The following LRP2 variants were observed in gnomAD, a reference collection of about 807,000 sequenced individuals.
LRP2 encodes the protein low-density lipoprotein receptor-related protein 2.
In LRP2, 172 loss-of-function variants were observed where a neutral mutation model predicts 531.0. The ratio of observed to expected loss-of-function variants is 0.32; its 90% CI spans 0.29 to 0.37. The LOEUF is 0.37. Among genes scored for constraint, LRP2 ranks in the 10% least tolerant of loss-of-function variants. The pLI, the probability that LRP2 is intolerant of heterozygous loss-of-function variation, is 1.00. For synonymous variants in LRP2, 1,992 were observed against 2,027.6 expected (o/e 0.98, Z 0.47); for missense variants, 5,167 against 5,868.3 (o/e 0.88, Z 3.90).
At chr2:169,198,232 A>G (rs533414765) in intron 45 of LRP2, among the ~76,000 whole-genome samples, 1 of 152,112 alleles carries the variant, frequency 6.6e-6, no homozygotes, top group South Asian at 2.1e-4. Flanking sequence ...TGGGTAACAC[A>G]GAGAAACCCC....
At chr2:169,296,455 A>C (rs1275212700) in intron 4 of LRP2, among the ~76,000 whole-genome samples, 1 of 152,018 alleles carries the variant, frequency 6.6e-6, no homozygotes, top group Non-Finnish European at 1.5e-5. Flanking sequence ...GATGTTTATT[A>C]ATTCTCCCTT....
intron 3 of LRP2, among the ~76,000 whole-genome samples, chr2:169,310,514 C>T (rs79382071): frequency 0.32 from 48,515 of 151,954 alleles, 8,097 homozygotes; most frequent in African/African-American, 0.43. Flanking sequence ...TATTGATTTG[C>T]GTATGTTGAA....
At chr2:169,190,772 A>C (rs1313872873) in intron 48 of LRP2, among the ~76,000 whole-genome samples, 2 of 152,222 alleles carry the variant, frequency 1.3e-5, no homozygotes, top group African/African-American at 4.8e-5. Flanking sequence ...TACTATGTCA[A>C]ACTCACCTTC....
chr2:169,319,026 A>G, intron 2 of LRP2, 142 bp from the exon 3 acceptor site: 3 of 1,039,162 alleles, frequency 2.9e-6, no homozygotes, highest in Non-Finnish European at 4.3e-6. Context: ...CTTATACTAG[A>G]GTCTGTGGAC....
At chr2:169,196,884 G>GT in intron 46 of LRP2, 27 bp downstream of exon 46, 1 of 1,613,852 alleles carries the variant, frequency 6.2e-7, no homozygotes, top group Non-Finnish European at 8.5e-7. Context: ...GCATCGTGAT[G>GT]TTTTTCATGC....
chr2:169,248,326 C>T (rs1248966631), intron 19 of LRP2, among the ~76,000 whole-genome samples: 1 of 152,178 alleles, frequency 6.6e-6, no homozygotes, highest in Non-Finnish European at 1.5e-5. Context: ...CCTAATTAAT[C>T]AGAAAATGTT....
intron 75 of LRP2, among the ~76,000 whole-genome samples, chr2:169,137,729 C>G (rs1685571070): frequency 6.7e-6 from 1 of 150,310 alleles, no homozygotes; most frequent in Admixed American, 6.6e-5. Context: ...ATAACATGCA[C>G]TAATTTACCA....
At chr2:169,134,320 T>C (rs115648286) in intron 76 of LRP2, among the ~76,000 whole-genome samples, 24,400 of 151,896 alleles carry the variant, frequency 0.16, 3,213 homozygotes, top group African/African-American at 0.37. Context: ...ATACTGTCTG[T>C]TCCCCAGCTC....
chr2:169,262,335 T>C (rs1690592147), intron 16 of LRP2, among the ~76,000 whole-genome samples: 1 of 39,570 alleles, frequency 2.5e-5, no homozygotes, highest in Admixed American at 2.4e-4. Flanking sequence ...TGATGGTATA[T>C]CTAGAAAACC....
chr2:169,354,713 C>A lies in LRP2; in HGVS notation c.79+7608G>T, dbSNP rs830942. Among the ~76,000 whole-genome samples, 923 of 152,254 alleles carry A rather than the reference C, an allele frequency of 6.1e-3. 7 individuals carry two copies. Among genetic ancestry groups the A allele is most frequent in the South Asian group, 0.029 (142 of 4,820 alleles). On this transcript the variant is annotated intron_variant, in intron 1 of 78. Coordinates refer to ENST00000649046, the MANE Select transcript of LRP2 (RefSeq NM_004525.3). ...AGATAAGACTTAAATTAGAGACCAA[C>A]AAAGTAACCATCAGCAAAGAGTACA...
intron 29 of LRP2, among the ~76,000 whole-genome samples, chr2:169,235,198 C>T (rs185577872): frequency 6.6e-6 from 1 of 150,482 alleles, no homozygotes; most frequent in Non-Finnish European, 1.5e-5. Context: ...AGATGTGAGA[C>T]AATGTGCCTG....
At chr2:169,236,159 C>T in intron 28 of LRP2, 91 bp from the exon 29 acceptor site, 1 of 939,880 alleles carries the variant, frequency 1.1e-6, no homozygotes, top group Non-Finnish European at 1.7e-6. Context: ...CCTGTTTATG[C>T]CCTGCTTAAA....
rs1425060400 is a variant in LRP2 at position 169,273,032 on chromosome 2, C to T, written c.2011G>A (p.Glu671Lys). ...CTGTGGCTGAGGACACAGACCTGCTCACAGCCCCCATTGTTATCTTTACAC... is the reference window on the plus strand; with the variant it reads ...CTGTGGCTGAGGACACAGACCTGCTTACAGCCCCCATTGTTATCTTTACAC... ...NPCKDNNGGC[E>K]QVCVLSHRTD... is the part of the protein sequence containing the mutation. Residue 671 changes from glutamate (E) to lysine (K), a missense_variant, in exon 15 of 79, where the codon GAG becomes AAG. Glu to Lys is a moderately conservative substitution (Grantham distance 56). Transcript: ENST00000649046. The T allele has an allele frequency of 1.2e-6, 2 of 1,613,584 alleles. No homozygotes were observed. Among genetic ancestry groups the T allele is most frequent in the African/African-American group, 2.7e-5 (2 of 74,902 alleles).
At position 169,146,756 on chromosome 2, in the gene LRP2, C is replaced by G; in HGVS notation, c.12794G>C (p.Arg4265Thr). The change falls in exon 69 of 79, where the codon AGA becomes ACA. Residue 4265 changes from arginine (R) to threonine (T), a missense_variant. Physicochemically the swap from Arg to Thr is moderately conservative, Grantham distance 71. This residue lies in a region of LRP2 where 564 missense variants were observed against 747.7 expected (regional missense o/e 0.75). Coordinates refer to ENST00000649046, the MANE Select transcript of LRP2 (RefSeq NM_004525.3). Reference sequence around the variant, plus strand: ...TTTCTAACCTTCCTTTGCAATGACTCTCCTATCAGTCCCATCATATTTTAT... The same window carrying G: ...TTTCTAACCTTCCTTTGCAATGACTGTCCTATCAGTCCCATCATATTTTAT... ...ETIKYDGTDR[R>T]VIAKEAMNPY... The G allele has an allele frequency of 6.2e-7, 1 of 1,613,140 alleles. No homozygotes were observed. The highest frequency in any genetic ancestry group is 2.2e-5 in the East Asian group (1 of 44,886).
chr2:169,246,198 T>TTTA (rs1689998068), intron 21 of LRP2, among the ~76,000 whole-genome samples: 2 of 152,136 alleles, frequency 1.3e-5, no homozygotes, highest in Non-Finnish European at 2.9e-5. Context: ...TTTTTATTTA[T>TTTA]TTATTATTAT....
intron 33 of LRP2, among the ~76,000 whole-genome samples, chr2:169,221,089 G>A (rs1688976347): frequency 6.6e-6 from 1 of 152,100 alleles, no homozygotes; most frequent in South Asian, 2.1e-4. Flanking sequence ...TCTCTGCCCT[G>A]CCAGGTCCTG....
At chr2:169,258,010 CA>C (rs1285856368) in intron 17 of LRP2, among the ~76,000 whole-genome samples, 2 of 151,906 alleles carry the variant, frequency 1.3e-5, no homozygotes, top group African/African-American at 2.4e-5. Context: ...AACCAAAGGC[CA>C]AAAGTTTGAG....
Position 169,307,384 on chromosome 2 carries a change from G to C in LRP2, c.324C>G (p.Cys108Trp). The C allele has an allele frequency of 6.2e-7, 1 of 1,608,442 alleles. No homozygotes were observed. The highest frequency in any genetic ancestry group is 8.5e-7 in the Non-Finnish European group (1 of 1,174,906). The change falls in exon 4 of 79, where the codon TGC becomes TGG. Residue 108 changes from cysteine to tryptophan, a missense_variant. Transcript: ENST00000649046. Reference sequence around the variant, plus strand: ...TGGAGCATGTTATCTGATGACTTGAGCATGTACTTTGTGCTGCGAAGAGAA... The same window carrying C: ...TGGAGCATGTTATCTGATGACTTGACCATGTACTTTGTGCTGCGAAGAGAA... ...DERQDCSQST[C>W]SSHQITCSNG...
chr2:169,240,571 A>G (rs992331319), intron 25 of LRP2, among the ~76,000 whole-genome samples: 1 of 152,224 alleles, frequency 6.6e-6, no homozygotes, highest in African/African-American at 2.4e-5. Flanking sequence ...AGTAATTAGG[A>G]TTACATGCCA....
Sources: gnomAD v4.1 joint callset for allele counts (sites outside exome capture counted in the v4.1 genomes callset) on GRCh38, gnomAD v4.1.1 for gene constraint, gnomAD v4.1.1 regional missense constraint, MANE v1.5 for transcripts, NCBI Gene and HGNC (gene_info 2026-07-23, HGNC 2026-07-21) for gene names.